MICU3: variants seen among roughly 807,000 people sequenced by gnomAD.
The protein encoded by MICU3 is calcium uptake protein 3, mitochondrial.
In MICU3, 62 loss-of-function variants were observed where a neutral mutation model predicts 66.5. That is an observed-to-expected ratio of 0.93 (90% CI 0.76 to 1.15). The LOEUF (loss-of-function observed/expected upper bound fraction) is 1.15. MICU3 is among the 50% of genes most tolerant of loss of function. The probability of loss-of-function intolerance (pLI) is 0.00; values close to 1 mark genes in which losing one functional copy is unlikely to be tolerated. For missense variants in MICU3, 779 were observed against 664.4 expected, an observed-to-expected ratio of 1.17 and a Z score of -1.90; for synonymous variants, 308 against 240.7, an observed-to-expected ratio of 1.28 and a Z score of -2.59.
intron 1 of MICU3, among the ~76,000 whole-genome samples, chr8:17,037,005 CCGTGGGCTGGCACTGCT>C (rs781575570): frequency 5.9e-5 from 9 of 152,224 alleles, no homozygotes; most frequent in Non-Finnish European, 1.3e-4. Flanking sequence ...AGCGCAGCGC[CCGTGGGCTGGCACTGCT>C]GGGGGACCCA....
In MICU3 at chr8:17,122,319, C is replaced by A. The variant is rs1803251821; in HGVS notation, c.*2032C>A. On this transcript the variant is annotated 3_prime_UTR_variant, in exon 15 of 15. Transcript: ENST00000318063. ...TATAAAATGAGAGATAAAAATATCTCACTGAATTGTTACTTATATCAATTT... is the reference window on the plus strand; with the variant it reads ...TATAAAATGAGAGATAAAAATATCTAACTGAATTGTTACTTATATCAATTT... 1 of 151,736 alleles carries A rather than the reference C, an allele frequency of 6.6e-6. No homozygotes were observed. Among genetic ancestry groups the A allele is most frequent in the African/African-American group, 2.4e-5 (1 of 41,392 alleles). The allele number at this position is 151,736 out of a possible 1,614,324, so 9.4% of individuals were successfully genotyped here.
intron 1 of MICU3, among the ~76,000 whole-genome samples, chr8:17,042,811 A>G (rs1348818740): frequency 6.6e-6 from 1 of 152,054 alleles, no homozygotes; most frequent in Non-Finnish European, 1.5e-5. Context: ...TTCCTGTCTG[A>G]TAAGGATGAT....
rs746149322 is a variant in MICU3, at chr8:17,104,994, CAAAAAAAAAAAAAAAA to C, written c.1086-404_1086-389del. Among the ~76,000 whole-genome samples the C allele has an allele frequency of 6.9e-4, 6 of 8,718 alleles. 2 individuals are homozygous for C. Among genetic ancestry groups the C allele is most frequent in the Non-Finnish European group, 7.9e-4 (5 of 6,360 alleles). The allele number at this position is 8,718 out of a possible 152,430, so 5.7% of individuals were successfully genotyped here. A position where few individuals can be genotyped will look rare whatever the true frequency, so the allele number is the denominator to read the frequency against. On this transcript the variant is annotated intron_variant, in intron 10 of 14. Coordinates refer to ENST00000318063, the MANE Select transcript of MICU3 (RefSeq NM_181723.3). ...TGGGCGACAGAGCGAGACTCCGTCT[CAAAAAAAAAAAAAAAA>C]AAAAAAAAAAAAAATTCCAGATATC...
intron 1 of MICU3, among the ~76,000 whole-genome samples, chr8:17,046,323 G>C (rs1815080257): frequency 6.6e-6 from 1 of 152,126 alleles, no homozygotes. Flanking sequence ...CTTGATGATG[G>C]GGAGAACCTC....
At chr8:17,078,611 A>C (rs1290287650) in intron 4 of MICU3, among the ~76,000 whole-genome samples, 1 of 152,128 alleles carries the variant, frequency 6.6e-6, no homozygotes, top group Non-Finnish European at 1.5e-5. Flanking sequence ...TTACATAAGC[A>C]GTTATATTTT....
chr8:17,064,824 A>G (rs1402928959), intron 2 of MICU3, among the ~76,000 whole-genome samples: 2 of 152,180 alleles, frequency 1.3e-5, no homozygotes, highest in African/African-American at 4.8e-5. Flanking sequence ...CCTCACAGAC[A>G]TGGACAGTAA....
intron 8 of MICU3, among the ~76,000 whole-genome samples, chr8:17,096,980 TGTGTGTGTGTG>T (rs1800771295): frequency 6.6e-6 from 1 of 151,274 alleles, no homozygotes; most frequent in African/African-American, 2.4e-5. Flanking sequence ...TGTGTGTGTG[TGTGTGTGTGTG>T]TGTGTGATTG....
intron 14 of MICU3, 72 bp downstream of exon 14, chr8:17,118,847 A>G: frequency 2.3e-6 from 2 of 870,686 alleles, no homozygotes; most frequent in Middle Eastern, 2.3e-4. Flanking sequence ...CTGTTATAAC[A>G]TTTAGAAAAT....
At chr8:17,050,199 G>A (rs887318261) in intron 1 of MICU3, among the ~76,000 whole-genome samples, 6 of 152,006 alleles carry the variant, frequency 3.9e-5, no homozygotes, top group Admixed American at 6.5e-5. Flanking sequence ...AGAATGGTAC[G>A]CTAAGATTTA....
chr8:17,088,772 A>G (rs1025749998), intron 7 of MICU3, among the ~76,000 whole-genome samples: 2 of 151,964 alleles, frequency 1.3e-5, no homozygotes, highest in African/African-American at 4.8e-5. Context: ...ATATTAGCAG[A>G]CAATGCACAC....
chr8:17,099,289 C>T (rs1449100076), intron 9 of MICU3, among the ~76,000 whole-genome samples: 1 of 151,718 alleles, frequency 6.6e-6, no homozygotes, highest in Non-Finnish European at 1.5e-5. Context: ...CCAGAAAAGA[C>T]TTTTCAATAA....
In MICU3 at chr8:17,098,716, C is replaced by A. The variant is rs113358992; in HGVS notation, c.984+163C>A. ...ATATAAACTGTGTATTTGAATACAT[C>A]AGCTTTGACAGTTGAACTTAATTAA... On this transcript the variant is annotated intron_variant, in intron 9 of 14. Coordinates refer to ENST00000318063, the MANE Select transcript of MICU3 (RefSeq NM_181723.3). 5.8e-3 allele frequency among the ~76,000 whole-genome samples: 873 copies of A among 151,806 alleles called. 7 individuals carry two copies. Among genetic ancestry groups the A allele is most frequent in the African/African-American group, 0.02 (829 of 41,444 alleles).
chr8:17,082,095 T>A (rs1352476405), intron 5 of MICU3: 1 of 176,012 alleles, frequency 5.7e-6, no homozygotes, highest in Non-Finnish European at 1.2e-5. Flanking sequence ...TGAGAGAGAG[T>A]GTCTCTTAAC....
Position 17,048,539 on chromosome 8 carries a change from T to C in MICU3, c.382-15545T>C, listed in dbSNP as rs61578134. Among the ~76,000 whole-genome samples, 1,999 of 152,250 alleles carry C rather than the reference T, an allele frequency of 0.013. 143 individuals are homozygous for C. The East Asian group carries it at 0.22, about 16-fold the overall frequency. On this transcript the variant is annotated intron_variant, in intron 1 of 14. Transcript: ENST00000318063. ...GTTACCTCCCCTTGGGTCCCTCTCATGACACATGGGAATTATGGGAGCTAC... is the reference window on the plus strand; with the variant it reads ...GTTACCTCCCCTTGGGTCCCTCTCACGACACATGGGAATTATGGGAGCTAC...
chr8:17,040,273 G>A (rs1256039589), intron 1 of MICU3, among the ~76,000 whole-genome samples: 3 of 152,094 alleles, frequency 2.0e-5, no homozygotes, highest in African/African-American at 7.2e-5. Flanking sequence ...CATTACCCAC[G>A]CTATAACATA....
At chr8:17,061,224 G>T (rs1313517791) in intron 1 of MICU3, among the ~76,000 whole-genome samples, 3 of 152,162 alleles carry the variant, frequency 2.0e-5, no homozygotes, top group Non-Finnish European at 4.4e-5. Flanking sequence ...ATTGTTGGTA[G>T]AGGTAAAGGA....
chr8:17,028,809 C>T (rs900158810), intron 1 of MICU3, among the ~76,000 whole-genome samples: 1 of 152,110 alleles, frequency 6.6e-6, no homozygotes, highest in Non-Finnish European at 1.5e-5. Context: ...CACAAATACA[C>T]ATCCACTTTT....
Position 17,064,143 on chromosome 8 carries a change from G to A in MICU3, c.441G>A (p.Arg147=). Residue 147 remains arginine, a synonymous_variant, in exon 2 of 15, where the codon AGG becomes AGA. Coordinates refer to ENST00000318063, the MANE Select transcript of MICU3 (RefSeq NM_181723.3). ...DLDLYATSRE[R]RFRLFASIEC... is the part of the protein sequence containing the mutation. ...ACCTTTATGCCACATCTCGGGAGAG[G>A]CGATTTCGTTTATTTGCTTCTATAG... 1.2e-6 allele frequency: 2 copies of A among 1,613,262 alleles called. No individual in the cohort carries two copies. The highest frequency in any genetic ancestry group is 1.7e-6 in the Non-Finnish European group (2 of 1,179,442).
In MICU3 at chr8:17,027,579, A is replaced by C; in HGVS notation, c.300A>C (p.Ser100=). 1 of 1,288,660 alleles carries C rather than the reference A, an allele frequency of 7.8e-7. No individual in the cohort carries two copies. The highest frequency in any genetic ancestry group is 9.8e-7 in the Non-Finnish European group (1 of 1,021,390). 79.8% of individuals were successfully genotyped at this position (1,288,660 alleles called of 1,614,324 possible). The change falls in exon 1 of 15, where the codon TCA becomes TCC. Residue 100 remains serine, a synonymous_variant. Coordinates refer to ENST00000318063, the MANE Select transcript of MICU3 (RefSeq NM_181723.3). ...RAGSPATGRP[S]KSAATEPEDP... ...GCTCGCCGGCGACCGGGCGACCCTC[A>C]AAGAGCGCGGCCACGGAGCCCGAGG...
Sources: gnomAD v4.1 joint callset for allele counts (sites outside exome capture counted in the v4.1 genomes callset) on GRCh38, gnomAD v4.1.1 for gene constraint, MANE v1.5 for transcripts, NCBI Gene and HGNC (gene_info 2026-07-23, HGNC 2026-07-21) for gene names.